Variants in SERPINI2 observed in about 807,000 individuals in gnomAD.
SERPINI2 encodes the protein serpin family I member 2, also known as serpin I2.
In SERPINI2, 48 loss-of-function variants were observed where a neutral mutation model predicts 47.3. The ratio of observed to expected loss-of-function variants is 1.02; its 90% CI spans 0.81 to 1.29. The LOEUF (loss-of-function observed/expected upper bound fraction) is 1.29. Among genes scored for constraint, SERPINI2 ranks in the 50% most tolerant of loss-of-function variants. The probability of loss-of-function intolerance (pLI) is 0.00; values close to 1 mark genes in which losing one functional copy is unlikely to be tolerated. For missense variants in SERPINI2, 448 were observed against 456.9 expected (o/e 0.98, Z 0.18); for synonymous variants, 135 against 149.3 (o/e 0.90, Z 0.70).
At chr3:167,458,148 C>T (rs1292834605) in intron 5 of SERPINI2, among the ~76,000 whole-genome samples, 1 of 150,794 alleles carries the variant, frequency 6.6e-6, no homozygotes, top group Non-Finnish European at 1.5e-5. Context: ...AATTCATTTC[C>T]TGTGCACTCT....
At chr3:167,446,595 ATGTGG>A in intron 7 of SERPINI2, 114 bp from the exon 8 acceptor site, 1 of 614,262 alleles carries the variant, frequency 1.6e-6, no homozygotes, top group Non-Finnish European at 2.7e-6. Flanking sequence ...AGGAGTTAAC[ATGTGG>A]AAAAATAACC....
chr3:167,444,238 A>C (rs1053740977), intron 8 of SERPINI2, among the ~76,000 whole-genome samples: 1 of 152,168 alleles, frequency 6.6e-6, no homozygotes, highest in Admixed American at 6.5e-5. Context: ...CAAAGCCTAT[A>C]AAGTTGGCCT....
chr3:167,446,348 G>T (rs1189670210), intron 8 of SERPINI2, 44 bp downstream of exon 8: 7 of 1,330,664 alleles, frequency 5.3e-6, no homozygotes, highest in East Asian at 2.3e-5. Context: ...AACTAGTTCT[G>T]CTTAACATAA....
chr3:167,458,542 G>A (rs746172579), intron 5 of SERPINI2, among the ~76,000 whole-genome samples: 2 of 151,784 alleles, frequency 1.3e-5, no homozygotes, highest in African/African-American at 2.4e-5. Context: ...GTCTACAGGC[G>A]TGAGCCACCG....
At chr3:167,442,090 C>A in exon 9 of SERPINI2, 1 of 1,566,422 alleles carries the variant, frequency 6.4e-7, no homozygotes, top group South Asian at 1.2e-5. Context: ...ATCTTTTATT[C>A]TGAGGCTGTG....
chr3:167,452,905 A>G (rs761243590), intron 6 of SERPINI2, 31 bp downstream of exon 6: 33 of 1,377,704 alleles, frequency 2.4e-5, no homozygotes, highest in Admixed American at 9.9e-5. Flanking sequence ...ACAAATTAAC[A>G]TCATAATATA....
upstream of SERPINI2, among the ~76,000 whole-genome samples, chr3:167,474,969 G>C (rs182894886): frequency 1.8e-4 from 27 of 151,760 alleles, no homozygotes; most frequent in Admixed American, 1.7e-3. Context: ...AATATAGATA[G>C]CTTTAAATGG....
In SERPINI2 at chr3:167,461,737, G is replaced by A. The variant is rs375948331; in HGVS notation, c.866+3469C>T. Among the ~76,000 whole-genome samples the A allele has an allele frequency of 1.1e-4, 16 of 151,750 alleles. No homozygotes were observed. In the East Asian group the frequency reaches 1.6e-3, roughly 15 times the overall value. On this transcript the variant is annotated intron_variant, in intron 5 of 8. Coordinates refer to ENST00000264677, the Ensembl canonical transcript of SERPINI2. ...GTGATCCTCCTGCCTTATCCTCCAC[G>A]GTAGCTGGGACTACAGGCACACACC...
rs769051139 is a variant in SERPINI2 at position 167,465,581 on chromosome 3, G to A, written c.571C>T (p.Gln191Ter). The A allele has an allele frequency of 9.9e-6, 16 of 1,613,476 alleles. No individual in the cohort carries two copies. The highest frequency in any genetic ancestry group is 8.3e-5 in the Admixed American group (5 of 59,892). The change falls in exon 4 of 9, where the codon CAG (glutamine) becomes TAG (stop). Residue 191 changes from glutamine to a stop codon, truncating the protein, a stop_gained. Transcript: ENST00000264677. LOFTEE classifies it high-confidence loss of function. Reference sequence around the variant, plus strand: ...TGTGTGTCCTCTTTTCTGAATTTCTGTTTCCAATCTCCTTTGAAATAAATA... The same window carrying A: ...TGTGTGTCCTCTTTTCTGAATTTCTATTTCCAATCTCCTTTGAAATAAATA...
upstream of SERPINI2, among the ~76,000 whole-genome samples, chr3:167,475,825 A>C (rs904521712): frequency 6.6e-6 from 1 of 151,728 alleles, no homozygotes; most frequent in Non-Finnish European, 1.5e-5. Flanking sequence ...AGGAATATAT[A>C]TAAAAACCAC....
chr3:167,456,536 G>A (rs987253957), intron 5 of SERPINI2, among the ~76,000 whole-genome samples: 3 of 152,070 alleles, frequency 2.0e-5, no homozygotes, highest in African/African-American at 4.8e-5. Context: ...TCCTTGGTAC[G>A]GCTACTCCAG....
intron 1 of SERPINI2, 74 bp downstream of exon 1, chr3:167,473,928 AC>A: frequency 8.5e-7 from 1 of 1,170,846 alleles, no homozygotes; most frequent in African/African-American, 1.6e-5. Flanking sequence ...GCCATTCCAT[AC>A]TCTACTAAAC....
intron 2 of SERPINI2, among the ~76,000 whole-genome samples, chr3:167,468,644 T>C (rs1750216765): frequency 6.6e-6 from 1 of 152,208 alleles, no homozygotes; most frequent in East Asian, 1.9e-4. Flanking sequence ...TGATTAGATC[T>C]GAAGAATTTC....
intron 2 of SERPINI2, among the ~76,000 whole-genome samples, chr3:167,470,405 T>C (rs1404124996): frequency 1.3e-5 from 2 of 151,926 alleles, no homozygotes; most frequent in Non-Finnish European, 2.9e-5. Flanking sequence ...ATAAGAAAAA[T>C]ACACTGAAAT....
Position 167,464,009 on chromosome 3 carries a change from C to CTTTTTTTTTTTTTTTT in SERPINI2, c.866+1181_866+1196dup, listed in dbSNP as rs555948215. On this transcript the variant is annotated intron_variant, in intron 5 of 8. Transcript: ENST00000264677. ...TGCAGTAGTTGAAGAACAGGAGTGG[C>CTTTTTTTTTTTTTTTT]TTTTTTTTTTTTTTTTTTTTTGGAT... Among the ~76,000 whole-genome samples the CTTTTTTTTTTTTTTTT allele has an allele frequency of 3.2e-5, 3 of 93,258 alleles. 1 individual carries two copies. 61.2% of individuals were successfully genotyped at this position (93,258 alleles called of 152,430 possible).
At chr3:167,459,624 A>G (rs1449201675) in intron 5 of SERPINI2, among the ~76,000 whole-genome samples, 2 of 151,936 alleles carry the variant, frequency 1.3e-5, no homozygotes, top group Admixed American at 6.5e-5. Flanking sequence ...TATAATCTAA[A>G]TAGTCACTCA....
At chr3:167,468,648 G>A (rs922255237) in intron 2 of SERPINI2, among the ~76,000 whole-genome samples, 1 of 152,128 alleles carries the variant, frequency 6.6e-6, no homozygotes, top group Non-Finnish European at 1.5e-5. Context: ...TAGATCTGAA[G>A]AATTTCAGTA....
intron 8 of SERPINI2, among the ~76,000 whole-genome samples, chr3:167,445,509 C>T (rs865947182): frequency 3.9e-5 from 6 of 152,296 alleles, no homozygotes; most frequent in Middle Eastern, 6.8e-3. Flanking sequence ...ACTTGTTTCA[C>T]AACTGTTAGT....
chr3:167,451,117 A>C (rs1749628711), intron 6 of SERPINI2, among the ~76,000 whole-genome samples: 1 of 152,214 alleles, frequency 6.6e-6, no homozygotes, highest in Non-Finnish European at 1.5e-5. Context: ...TTGCTGTTTT[A>C]TATTTAACTA....
Sources: allele counts gnomAD v4.1 joint callset (sites outside exome capture counted in the v4.1 genomes callset), GRCh38; gene constraint gnomAD v4.1.1; transcripts MANE v1.5; gene names NCBI Gene and HGNC (gene_info 2026-07-23, HGNC 2026-07-21).